C12orf42: variants seen among roughly 807,000 people sequenced by gnomAD.
C12orf42 encodes chromosome 12 open reading frame 42.
A neutral mutation model predicts 21.6 loss-of-function variants in C12orf42; 25 were observed. The observed-to-expected ratio is 1.16, with a 90% CI of 0.84 to 1.62. The LOEUF is 1.62. Among genes scored for constraint, C12orf42 ranks in the 40% most tolerant of loss-of-function variants. The probability of loss-of-function intolerance (pLI) is 0.00; values close to 1 mark genes in which losing one functional copy is unlikely to be tolerated. For synonymous variants in C12orf42, 174 were observed against 175.0 expected (o/e 0.99, Z 0.05); for missense variants, 483 against 459.3 (o/e 1.05, Z -0.47).
At chr12:103,284,314 G>C (rs1045374803) in intron 4 of C12orf42, among the ~76,000 whole-genome samples, 1 of 152,048 alleles carries the variant, frequency 6.6e-6, no homozygotes, top group Non-Finnish European at 1.5e-5. Context: ...GTATTGACTT[G>C]GGACAAATTG....
intron 2 of C12orf42, among the ~76,000 whole-genome samples, chr12:103,434,765 T>C (rs10861007): frequency 1 from 152,090 of 152,324 alleles, 75,928 homozygotes; most frequent in African/African-American, 1. Flanking sequence ...CACGGACTCT[T>C]GCTGATTGCT....
chr12:103,538,240 T>A, the C12orf42 span, among the ~76,000 whole-genome samples: 1 of 152,194 alleles, frequency 6.6e-6, no homozygotes, highest in Non-Finnish European at 1.5e-5. Flanking sequence ...AAGAGAGATA[T>A]CTAAGCTGCT....
the C12orf42 span, chr12:103,506,317 A>C: frequency 3.5e-5 from 4 of 113,352 alleles, no homozygotes; most frequent in African/African-American, 1.4e-4. Context: ...ACCCCCCCAC[A>C]CACACAAAAC....
intron 5 of C12orf42, among the ~76,000 whole-genome samples, chr12:103,270,565 T>C: frequency 1.3e-5 from 1 of 78,306 alleles, no homozygotes; most frequent in East Asian, 8.5e-4. Context: ...TTTTATTTTA[T>C]TTATTTATTT....
downstream of C12orf42, among the ~76,000 whole-genome samples, chr12:103,236,534 T>TA (rs2033472496): frequency 6.6e-6 from 1 of 152,208 alleles, no homozygotes; most frequent in Admixed American, 6.5e-5. Flanking sequence ...CAAACCTGAT[T>TA]ATTCTCCCAA....
intron 2 of C12orf42, among the ~76,000 whole-genome samples, chr12:103,469,107 C>T (rs1953378656): frequency 6.6e-6 from 1 of 152,134 alleles, no homozygotes. Flanking sequence ...CTCACACCAC[C>T]GTCACATCTC....
intron 4 of C12orf42, among the ~76,000 whole-genome samples, chr12:103,343,303 T>C (rs1326193798): frequency 2.0e-5 from 3 of 152,136 alleles, no homozygotes; most frequent in Admixed American, 6.5e-5. Context: ...AATAATTCAG[T>C]GCAGCAAAAT....
chr12:103,414,838 A>T (rs185856917), intron 2 of C12orf42, among the ~76,000 whole-genome samples: 9 of 152,266 alleles, frequency 5.9e-5, no homozygotes, highest in African/African-American at 2.2e-4. Flanking sequence ...GTGAAGAGAG[A>T]TAGTTTAACT....
chr12:103,284,510 G>C (rs954429460), intron 4 of C12orf42, among the ~76,000 whole-genome samples: 2 of 152,114 alleles, frequency 1.3e-5, no homozygotes, highest in Admixed American at 6.5e-5. Context: ...GAGTCACTAG[G>C]GCCTAGCAAT....
intron 2 of C12orf42, among the ~76,000 whole-genome samples, chr12:103,475,421 T>C (rs532310962): frequency 2.4e-4 from 36 of 152,260 alleles, no homozygotes; most frequent in South Asian, 1.2e-3. Flanking sequence ...ACCAACAAAA[T>C]GTGAGGCCCA....
the C12orf42 span, chr12:103,506,131 T>C: frequency 5.4e-6 from 1 of 185,906 alleles, no homozygotes; most frequent in Non-Finnish European, 1.1e-5. Context: ...ATTATAAAGC[T>C]GATAGATCCT....
the C12orf42 span, among the ~76,000 whole-genome samples, chr12:103,202,120 C>T: frequency 6.6e-6 from 1 of 152,188 alleles, no homozygotes; most frequent in Admixed American, 6.5e-5. Flanking sequence ...CATCAAAATG[C>T]TTGTTTCTCT....
At chr12:103,256,629 C>T (rs1007076794) in intron 10 of C12orf42, among the ~76,000 whole-genome samples, 11 of 152,176 alleles carry the variant, frequency 7.2e-5, no homozygotes, top group African/African-American at 2.6e-4. Context: ...GTTGAAAGAG[C>T]ATGAAGTAAG....
At chr12:103,302,766 G>A (rs2037856862) in intron 5 of C12orf42, among the ~76,000 whole-genome samples, 1 of 149,758 alleles carries the variant, frequency 6.7e-6, no homozygotes, top group East Asian at 1.9e-4. Context: ...TTCCTTTCCT[G>A]TTCTTTGAAA....
intron 1 of C12orf42, among the ~76,000 whole-genome samples, chr12:103,490,102 T>G (rs1215119761): frequency 6.6e-6 from 1 of 152,228 alleles, no homozygotes; most frequent in Non-Finnish European, 1.5e-5. Context: ...CCAAACTATG[T>G]CAGGTTTATG....
intron 4 of C12orf42, among the ~76,000 whole-genome samples, chr12:103,294,411 A>G (rs1188731603): frequency 5.0e-5 from 7 of 139,088 alleles, no homozygotes; most frequent in Non-Finnish European, 7.7e-5. Context: ...GAAAGAAAGA[A>G]AGAGAGAAAG....
the C12orf42 span, among the ~76,000 whole-genome samples, chr12:103,513,169 T>C: frequency 4.6e-5 from 7 of 152,012 alleles, no homozygotes; most frequent in East Asian, 1.9e-4. Flanking sequence ...GCTGGCACTG[T>C]AAATGGTTCA....
At chr12:103,138,241 C>T in the C12orf42 span, among the ~76,000 whole-genome samples, 14 of 152,134 alleles carry the variant, frequency 9.2e-5, no homozygotes, top group East Asian at 2.7e-3. Context: ...GGCTCTGTAT[C>T]CCCACCCAAA....
chr12:103,297,622 G>C (rs1336438720), downstream of C12orf42, among the ~76,000 whole-genome samples: 53 of 152,070 alleles, frequency 3.5e-4, no homozygotes, highest in Non-Finnish European at 5.3e-4. Flanking sequence ...GCATCATCCT[G>C]ATACCAAAGC....
Sources: gnomAD v4.1 joint callset for allele counts (sites outside exome capture counted in the v4.1 genomes callset) on GRCh38, gnomAD v4.1.1 for gene constraint, MANE v1.5 for transcripts, NCBI Gene and HGNC (gene_info 2026-07-23, HGNC 2026-07-21) for gene names.